TTLL5: variants seen among roughly 807,000 people sequenced by gnomAD.
The protein encoded by TTLL5 is tubulin polyglutamylase TTLL5.
TTLL5 carries 132 observed loss-of-function variants against 168.4 expected under a neutral mutation model. The ratio of observed to expected loss-of-function variants is 0.78; its 90% CI spans 0.68 to 0.91. The LOEUF (loss-of-function observed/expected upper bound fraction) is 0.91, where lower values mean the gene tolerates loss of function less well. Ranked by LOEUF, TTLL5 falls within the 40% of genes least tolerant of loss-of-function variation. The pLI, the probability that TTLL5 is intolerant of heterozygous loss-of-function variation, is 0.00. For synonymous variants in TTLL5, 546 were observed against 558.6 expected (o/e 0.98, Z 0.32); for missense variants, 1,545 against 1,581.5 (o/e 0.98, Z 0.39).
rs1307608314 is a variant in TTLL5, at chr14:75,902,145, G to A, written c.3744G>A (p.Gly1248=). 4 of 1,614,108 alleles carry A rather than the reference G, an allele frequency of 2.5e-6. No individual in the cohort carries two copies. Among genetic ancestry groups the A allele is most frequent in the Non-Finnish European group, 2.5e-6 (3 of 1,180,006 alleles). ...RRATSQKASK[G]SSAEGQLNGL... ...ACCAAGCTCCTTTGTGTTTCAGAGG[G>A]TCCTCCGCGGAAGGGCAGCTGAATG... Residue 1248 remains glycine (G), a synonymous_variant, in exon 31 of 32, where the codon GGG becomes GGA. Transcript: ENST00000298832.
chr14:75,884,394 A>G (rs2031985101), intron 30 of TTLL5, among the ~76,000 whole-genome samples: 1 of 152,222 alleles, frequency 6.6e-6, no homozygotes, highest in Non-Finnish European at 1.5e-5. Flanking sequence ...ACATTTGAAG[A>G]CGCTGCTTGC....
intron 15 of TTLL5, 57 bp downstream of exon 15, chr14:75,735,346 A>G (rs1888814965): frequency 1.3e-6 from 2 of 1,557,988 alleles, no homozygotes; most frequent in African/African-American, 2.7e-5. Context: ...GTGGCGGCTG[A>G]TGTAACTGTG....
At chr14:75,870,381 T>G (rs1231083431) in intron 29 of TTLL5, among the ~76,000 whole-genome samples, 1 of 152,126 alleles carries the variant, frequency 6.6e-6, no homozygotes, top group African/African-American at 2.4e-5. Flanking sequence ...GAGCTGAGAT[T>G]ACAGGCGTGA....
At chr14:75,926,819 T>C (rs1004770285) in intron 31 of TTLL5, among the ~76,000 whole-genome samples, 1 of 152,172 alleles carries the variant, frequency 6.6e-6, no homozygotes, top group African/African-American at 2.4e-5. Context: ...AATATACATT[T>C]AGGAGAAATG....
intron 28 of TTLL5, among the ~76,000 whole-genome samples, chr14:75,828,829 A>G (rs933254609): frequency 4.6e-5 from 7 of 152,244 alleles, no homozygotes; most frequent in African/African-American, 1.7e-4. Context: ...AAATTAAAAT[A>G]TGTGCAAAAG....
intron 31 of TTLL5, among the ~76,000 whole-genome samples, chr14:75,918,889 A>G (rs1328143123): frequency 1.3e-5 from 2 of 152,106 alleles, no homozygotes; most frequent in Admixed American, 1.3e-4. Flanking sequence ...CAAGTTATTA[A>G]TGATTCCTGT....
intron 31 of TTLL5, among the ~76,000 whole-genome samples, chr14:75,929,634 G>A (rs1426716800): frequency 2.6e-5 from 4 of 152,002 alleles, no homozygotes; most frequent in African/African-American, 4.8e-5. Context: ...TGTATTTTTA[G>A]TAGAGACAGG....
At chr14:75,795,759 T>C (rs1252787675) in intron 27 of TTLL5, among the ~76,000 whole-genome samples, 1 of 152,192 alleles carries the variant, frequency 6.6e-6, no homozygotes, top group Admixed American at 6.5e-5. Flanking sequence ...ATTATTTTGT[T>C]CCTTTTTATG....
intron 26 of TTLL5, among the ~76,000 whole-genome samples, chr14:75,784,034 A>G (rs935659215): frequency 1.3e-5 from 2 of 152,238 alleles, no homozygotes; most frequent in African/African-American, 2.4e-5. Context: ...TTTACATTCT[A>G]TCAAATTCAC....
intron 31 of TTLL5, chr14:75,904,304 A>G (rs2033056478): frequency 7.9e-6 from 8 of 1,012,512 alleles, no homozygotes; most frequent in Non-Finnish European, 9.8e-6. Context: ...TGAACTGCGA[A>G]GTAATGGCAC....
Position 75,863,870 on chromosome 14 carries a change from A to AGCC in TTLL5, c.3522+8_3522+9insGCC. ...AGTCGAGCCCGGCACCAGGTAATTCAAGATAAGTCTTTTCCATGTGTTATA... is the reference window on the plus strand; with the variant it reads ...AGTCGAGCCCGGCACCAGGTAATTCAGCCAGATAAGTCTTTTCCATGTGTTATA... On this transcript the variant is annotated intron_variant, in intron 29 of 31. Coordinates refer to ENST00000298832, the MANE Select transcript of TTLL5 (RefSeq NM_015072.5). 7.3e-7 allele frequency: 1 copy of AGCC among 1,374,016 alleles called. No individual in the cohort carries two copies. Among genetic ancestry groups the AGCC allele is most frequent in the Non-Finnish European group, 9.8e-7 (1 of 1,019,434 alleles). The allele number at this position is 1,374,016 out of a possible 1,614,324, so 85.1% of individuals were successfully genotyped here.
At chr14:75,732,315 A>G (rs765224686) in intron 12 of TTLL5, 23 bp from the exon 13 acceptor site, 1 of 1,603,204 alleles carries the variant, frequency 6.2e-7, no homozygotes, top group African/African-American at 1.3e-5. Context: ...GATCTTGTGT[A>G]TTGTGTTGTG....
At chr14:75,730,358 C>T (rs1363908892) in intron 12 of TTLL5, among the ~76,000 whole-genome samples, 1 of 152,002 alleles carries the variant, frequency 6.6e-6, no homozygotes, top group East Asian at 1.9e-4. Flanking sequence ...GAATTCATTG[C>T]GAAAAGAAGA....
At chr14:75,948,973 T>C (rs2034866095) in intron 31 of TTLL5, among the ~76,000 whole-genome samples, 2 of 152,184 alleles carry the variant, frequency 1.3e-5, no homozygotes, top group African/African-American at 2.4e-5. Flanking sequence ...TACCAGGCTT[T>C]TGTGTTTTAC....
chr14:75,757,705 C>A, intron 18 of TTLL5: 1 of 655,288 alleles, frequency 1.5e-6, no homozygotes, highest in Non-Finnish European at 2.3e-6. Context: ...TGCAAAGATG[C>A]CCTCCTTGGC....
intron 29 of TTLL5, among the ~76,000 whole-genome samples, chr14:75,868,756 G>C (rs936296146): frequency 6.6e-6 from 1 of 152,146 alleles, no homozygotes; most frequent in East Asian, 1.9e-4. Flanking sequence ...AAAAAATTCT[G>C]CCTCCTCCTG....
intron 10 of TTLL5, 102 bp downstream of exon 10, chr14:75,718,064 T>A: frequency 1.1e-6 from 1 of 934,914 alleles, no homozygotes. Flanking sequence ...AACTTTACAT[T>A]AATGTCCATG....
At chr14:75,770,347 T>C (rs1329001058) in intron 20 of TTLL5, among the ~76,000 whole-genome samples, 1 of 152,098 alleles carries the variant, frequency 6.6e-6, no homozygotes, top group Non-Finnish European at 1.5e-5. Context: ...CCAGCCTGAC[T>C]CCCTTGCCCT....
chr14:75,922,335 T>G lies in TTLL5; in HGVS notation c.3823+20111T>G, dbSNP rs567409356. 1.6e-3 allele frequency among the ~76,000 whole-genome samples: 243 copies of G among 152,304 alleles called. 1 individual carries two copies. The highest frequency in any genetic ancestry group is 5.7e-3 in the African/African-American group (235 of 41,554). On this transcript the variant is annotated intron_variant, in intron 31 of 31. Coordinates refer to ENST00000298832, the MANE Select transcript of TTLL5 (RefSeq NM_015072.5). ...GGTTTTCAAAGGGAATGCTTCCAGT[T>G]TTTGCCCATTCAGTATGATATTGGC... is the stretch of plus-strand genomic sequence containing the variant.
Sources: allele counts gnomAD v4.1 joint callset (sites outside exome capture counted in the v4.1 genomes callset), GRCh38; gene constraint gnomAD v4.1.1; transcripts MANE v1.5; gene names NCBI Gene and HGNC (gene_info 2026-07-23, HGNC 2026-07-21).